SEMA5A: variants seen among roughly 807,000 people sequenced by gnomAD.
SEMA5A encodes the protein semaphorin 5A.
Under a neutral mutation model 135.5 loss-of-function variants are expected in SEMA5A, and 55 were observed. The observed-to-expected ratio is 0.41, with a 90% CI of 0.33 to 0.51. The LOEUF is 0.51. Among genes scored for constraint, SEMA5A ranks in the 20% least tolerant of loss-of-function variants. SEMA5A has a pLI of 0.37. For synonymous variants in SEMA5A, 580 were observed against 546.5 expected, an observed-to-expected ratio of 1.06 and a Z score of -0.85; for missense variants, 1,290 against 1,419.9, an observed-to-expected ratio of 0.91 and a Z score of 1.47.
At chr5:9,207,179 C>T (rs1415362659) in intron 8 of SEMA5A, among the ~76,000 whole-genome samples, 1 of 139,272 alleles carries the variant, frequency 7.2e-6, no homozygotes, top group East Asian at 2.3e-4. Flanking sequence ...ATAAGTCATA[C>T]TGAGTTTTGT....
chr5:9,281,823 C>A (rs1446159353), intron 5 of SEMA5A, among the ~76,000 whole-genome samples: 1 of 121,712 alleles, frequency 8.2e-6, no homozygotes, highest in African/African-American at 3.1e-5. Context: ...GATACAGGCA[C>A]TTTTTTTTTT....
chr5:9,210,942 C>T (rs1204403588), intron 8 of SEMA5A, among the ~76,000 whole-genome samples: 1 of 152,116 alleles, frequency 6.6e-6, no homozygotes, highest in African/African-American at 2.4e-5. Context: ...TGCATGGAGG[C>T]CATTGATTTA....
At chr5:9,508,886 C>T (rs1736054606) in intron 1 of SEMA5A, among the ~76,000 whole-genome samples, 1 of 152,122 alleles carries the variant, frequency 6.6e-6, no homozygotes, top group Non-Finnish European at 1.5e-5. Flanking sequence ...TGCTTAAAAA[C>T]ATAGGATGAA....
At chr5:9,330,299 A>C (rs553350573) in intron 4 of SEMA5A, among the ~76,000 whole-genome samples, 1 of 151,956 alleles carries the variant, frequency 6.6e-6, no homozygotes, top group Non-Finnish European at 1.5e-5. Flanking sequence ...CTGAGGCAGA[A>C]GAATGGCGTG....
At chr5:9,205,787 T>A (rs1188170454) in intron 8 of SEMA5A, among the ~76,000 whole-genome samples, 1 of 152,142 alleles carries the variant, frequency 6.6e-6, no homozygotes, top group Non-Finnish European at 1.5e-5. Flanking sequence ...TGGAAACACA[T>A]CATGCGGCCC....
chr5:9,241,576 A>AT (rs942308532), intron 5 of SEMA5A, among the ~76,000 whole-genome samples: 8 of 151,440 alleles, frequency 5.3e-5, no homozygotes, highest in Non-Finnish European at 7.4e-5. Flanking sequence ...AAAAAAAAAA[A>AT]AAAAAAAGAA....
chr5:9,540,590 C>A (rs1738030261), intron 1 of SEMA5A, among the ~76,000 whole-genome samples: 1 of 152,108 alleles, frequency 6.6e-6, no homozygotes, highest in African/African-American at 2.4e-5. Context: ...GAGCAAGACT[C>A]TGTCTCAAAA....
intron 10 of SEMA5A, among the ~76,000 whole-genome samples, chr5:9,191,831 CATG>C (rs1745129567): frequency 1.3e-5 from 2 of 151,894 alleles, no homozygotes; most frequent in Admixed American, 6.6e-5. Flanking sequence ...TCAGCCCTGC[CATG>C]ACCCAAGTGT....
At chr5:9,068,737 C>T (rs943718514) in intron 16 of SEMA5A, among the ~76,000 whole-genome samples, 2 of 152,148 alleles carry the variant, frequency 1.3e-5, no homozygotes, top group Non-Finnish European at 2.9e-5. Flanking sequence ...TCTGAGGGGT[C>T]TCTGGTGTGC....
intron 16 of SEMA5A, among the ~76,000 whole-genome samples, chr5:9,105,521 C>T (rs1011635863): frequency 1.3e-5 from 2 of 152,098 alleles, no homozygotes; most frequent in African/African-American, 2.4e-5. Flanking sequence ...TAGCTGACTC[C>T]CATTTTTAAT....
At chr5:9,469,129 C>T (rs1432531535) in intron 1 of SEMA5A, among the ~76,000 whole-genome samples, 1 of 152,164 alleles carries the variant, frequency 6.6e-6, no homozygotes, top group Non-Finnish European at 1.5e-5. Flanking sequence ...CTGCCTCAGC[C>T]TCCTGAGTAG....
At chr5:9,284,063 CAGATGAT>C (rs1328368043) in intron 5 of SEMA5A, among the ~76,000 whole-genome samples, 2 of 148,246 alleles carry the variant, frequency 1.3e-5, no homozygotes, top group Non-Finnish European at 3.0e-5. Flanking sequence ...TGATAGATAA[CAGATGAT>C]AGATGATAGA....
chr5:9,258,172 GA>G (rs1325489537), intron 5 of SEMA5A, among the ~76,000 whole-genome samples: 2 of 152,166 alleles, frequency 1.3e-5, no homozygotes, highest in African/African-American at 4.8e-5. Context: ...AGAATATCAA[GA>G]GAAGCTAGAA....
intron 13 of SEMA5A, among the ~76,000 whole-genome samples, chr5:9,126,147 T>C (rs895913869): frequency 1.3e-5 from 2 of 152,136 alleles, no homozygotes; most frequent in Non-Finnish European, 2.9e-5. Context: ...CTCTTTGCAG[T>C]GTGGGCCCAG....
chr5:9,292,204 T>C (rs1304068043), intron 5 of SEMA5A, among the ~76,000 whole-genome samples: 2 of 152,226 alleles, frequency 1.3e-5, no homozygotes, highest in African/African-American at 4.8e-5. Context: ...CATCCCACGT[T>C]TGTAAATCAA....
intron 2 of SEMA5A, among the ~76,000 whole-genome samples, chr5:9,434,041 C>T (rs1018943001): frequency 6.6e-6 from 1 of 152,168 alleles, no homozygotes; most frequent in African/African-American, 2.4e-5. Context: ...GATTGGAACT[C>T]AGGTGTATGA....
rs1384291073 is a variant in SEMA5A at position 9,040,679 on chromosome 5, T to G, written c.*2218A>C. The G allele has an allele frequency of 6.6e-6, 1 of 152,136 alleles. No homozygotes were observed. Among genetic ancestry groups the G allele is most frequent in the Non-Finnish European group, 1.5e-5 (1 of 68,026 alleles). 9.4% of individuals were successfully genotyped at this position (152,136 alleles called of 1,614,324 possible). ...TATTAACAACATGAAGATCCTGTAG[T>G]GAGGGAGGGTGTTTTTCCCAAGTCA... On this transcript the variant is annotated 3_prime_UTR_variant, in exon 23 of 23. Transcript: ENST00000382496.
intron 2 of SEMA5A, among the ~76,000 whole-genome samples, chr5:9,417,930 C>A (rs1327100776): frequency 1.3e-5 from 2 of 151,632 alleles, no homozygotes; most frequent in South Asian, 2.1e-4. Flanking sequence ...CCTTTTGTAT[C>A]CTCACATGGC....
intron 4 of SEMA5A, among the ~76,000 whole-genome samples, chr5:9,335,127 G>A (rs530812919): frequency 1.3e-5 from 2 of 152,244 alleles, no homozygotes; most frequent in African/African-American, 4.8e-5. Flanking sequence ...GGAGACGACA[G>A]GGATGCTGGG....
Sources: allele counts gnomAD v4.1 joint callset (sites outside exome capture counted in the v4.1 genomes callset), GRCh38; gene constraint gnomAD v4.1.1; transcripts MANE v1.5; gene names NCBI Gene and HGNC (gene_info 2026-07-23, HGNC 2026-07-21).